PPARGC1A: variants seen among roughly 807,000 people sequenced by gnomAD.
PPARGC1A encodes PPARG coactivator 1 alpha, also known as peroxisome proliferator-activated receptor gamma coactivator 1-alpha.
A neutral mutation model predicts 88.7 loss-of-function variants in PPARGC1A; 25 were observed. The observed-to-expected ratio is 0.28, with a 90% CI of 0.21 to 0.39. PPARGC1A has a LOEUF of 0.39. PPARGC1A is among the 10% of genes least tolerant of loss of function. The pLI is 1.00. For synonymous variants in PPARGC1A, 363 were observed against 355.6 expected, an observed-to-expected ratio of 1.02 and a Z score of -0.24; for missense variants, 880 against 968.7, an observed-to-expected ratio of 0.91 and a Z score of 1.22.
At chr4:24,345,852 T>C in the PPARGC1A span, among the ~76,000 whole-genome samples, 3 of 152,200 alleles carry the variant, frequency 2.0e-5, no homozygotes, top group East Asian at 3.9e-4. Flanking sequence ...ATCCTTGTCT[T>C]GTTCCAGTTC....
intron 2 of PPARGC1A, among the ~76,000 whole-genome samples, chr4:23,845,572 A>C (rs1728169044): frequency 6.6e-6 from 1 of 152,132 alleles, no homozygotes; most frequent in Admixed American, 6.5e-5. Flanking sequence ...GAGGCCATCT[A>C]GGGTGAAAGA....
the PPARGC1A span, among the ~76,000 whole-genome samples, chr4:24,209,353 T>C: frequency 6.6e-6 from 1 of 152,166 alleles, no homozygotes; most frequent in African/African-American, 2.4e-5. Flanking sequence ...CCTAAAGCAG[T>C]TGCTCCCAAC....
chr4:24,379,510 A>G, the PPARGC1A span, among the ~76,000 whole-genome samples: 21 of 152,084 alleles, frequency 1.4e-4, no homozygotes, highest in Non-Finnish European at 2.9e-4. Flanking sequence ...CATTCTATGC[A>G]TGTAACAAAA....
At chr4:24,285,719 G>T in the PPARGC1A span, among the ~76,000 whole-genome samples, 1 of 152,130 alleles carries the variant, frequency 6.6e-6, no homozygotes, top group African/African-American at 2.4e-5. Flanking sequence ...GCATCACCTT[G>T]GGTCTCCCTA....
At chr4:24,321,056 G>C in the PPARGC1A span, among the ~76,000 whole-genome samples, 4 of 152,034 alleles carry the variant, frequency 2.6e-5, no homozygotes, top group East Asian at 1.9e-4. Context: ...ACTCCTCTTC[G>C]TGCAAGCCTG....
At chr4:23,984,148 A>G in the PPARGC1A span, among the ~76,000 whole-genome samples, 4 of 152,120 alleles carry the variant, frequency 2.6e-5, no homozygotes, top group African/African-American at 9.7e-5. Flanking sequence ...TCTTCTGGAC[A>G]TCCACACCTG....
At chr4:23,940,214 C>T in the PPARGC1A span, among the ~76,000 whole-genome samples, 12 of 152,272 alleles carry the variant, frequency 7.9e-5, no homozygotes, top group African/African-American at 2.9e-4. Flanking sequence ...GTTTCATCGA[C>T]AGACATGAAA....
chr4:24,251,800 C>T, the PPARGC1A span, among the ~76,000 whole-genome samples: 17 of 152,142 alleles, frequency 1.1e-4, no homozygotes, highest in South Asian at 1.4e-3. Flanking sequence ...CATTAAGCCA[C>T]GCAGTACCAC....
the PPARGC1A span, among the ~76,000 whole-genome samples, chr4:24,212,391 A>T: frequency 4.7e-4 from 71 of 152,352 alleles, no homozygotes; most frequent in African/African-American, 1.5e-3. Flanking sequence ...TTTCAGTATC[A>T]ACTCTGACAT....
the PPARGC1A span, among the ~76,000 whole-genome samples, chr4:24,004,118 T>C: frequency 2.0e-5 from 3 of 152,180 alleles, no homozygotes; most frequent in East Asian, 5.8e-4. Flanking sequence ...TGGGCATCGT[T>C]GGCTTGAGTC....
At chr4:23,860,994 C>T (rs1261584589) in intron 2 of PPARGC1A, among the ~76,000 whole-genome samples, 1 of 152,198 alleles carries the variant, frequency 6.6e-6, no homozygotes, top group Non-Finnish European at 1.5e-5. Context: ...TTCATCCAAT[C>T]AGCAGTACAG....
the PPARGC1A span, among the ~76,000 whole-genome samples, chr4:24,128,579 TGC>T: frequency 3.7e-3 from 502 of 135,676 alleles, 9 homozygotes; most frequent in African/African-American, 0.013. Context: ...TGTGTGTGTG[TGC>T]ACGCGCATCT....
the PPARGC1A span, among the ~76,000 whole-genome samples, chr4:24,413,070 C>A: frequency 1.3e-5 from 2 of 152,114 alleles, no homozygotes; most frequent in African/African-American, 4.8e-5. Context: ...GCCCTCCTCC[C>A]CATAGAATTC....
intron 1 of PPARGC1A, among the ~76,000 whole-genome samples, chr4:23,897,790 G>C (rs1487447395): frequency 6.6e-6 from 1 of 152,222 alleles, no homozygotes; most frequent in Non-Finnish European, 1.5e-5. Flanking sequence ...GAGAAGATCA[G>C]CTTCTTAGAG....
chr4:24,162,499 A>G, the PPARGC1A span, among the ~76,000 whole-genome samples: 1 of 152,114 alleles, frequency 6.6e-6, no homozygotes, highest in Non-Finnish European at 1.5e-5. Context: ...CCTTAGCTGT[A>G]GAGTTAATAT....
At chr4:24,289,170 A>G in the PPARGC1A span, among the ~76,000 whole-genome samples, 7 of 149,908 alleles carry the variant, frequency 4.7e-5, no homozygotes, top group Admixed American at 4.7e-4. Context: ...CGGTGAGCCA[A>G]GATCACACCA....
chr4:24,454,632 G>A, the PPARGC1A span, among the ~76,000 whole-genome samples: 1 of 152,038 alleles, frequency 6.6e-6, no homozygotes, highest in East Asian at 1.9e-4. Context: ...CACCTACTCA[G>A]GAGGCTGAGG....
At chr4:24,040,794 A>T in the PPARGC1A span, among the ~76,000 whole-genome samples, 2 of 152,230 alleles carry the variant, frequency 1.3e-5, no homozygotes, top group African/African-American at 4.8e-5. Context: ...ACATTTTAGC[A>T]AAATGTGCTC....
chr4:24,416,593 C>A, the PPARGC1A span, among the ~76,000 whole-genome samples: 1 of 152,224 alleles, frequency 6.6e-6, no homozygotes, highest in East Asian at 1.9e-4. Context: ...AAATGAGAAG[C>A]TTTAATTAGA....
Sources: gnomAD v4.1 joint callset for allele counts (sites outside exome capture counted in the v4.1 genomes callset) on GRCh38, gnomAD v4.1.1 for gene constraint, MANE v1.5 for transcripts, NCBI Gene and HGNC (gene_info 2026-07-23, HGNC 2026-07-21) for gene names.